NRXN1: variants seen among roughly 807,000 people sequenced by gnomAD.
NRXN1 encodes neurexin 1.
In NRXN1, 39 loss-of-function variants were observed where a neutral mutation model predicts 150.9. The ratio of observed to expected loss-of-function variants is 0.26; its 90% CI spans 0.20 to 0.34. NRXN1 has a LOEUF of 0.34. Ranked by LOEUF, NRXN1 falls within the 10% of genes least tolerant of loss-of-function variation. NRXN1 has a pLI of 1.00. For synonymous variants in NRXN1, 924 were observed against 757.0 expected (o/e 1.22, Z -3.62); for missense variants, 1,815 against 1,949.9 (o/e 0.93, Z 1.30).
chr2:50,065,093 G>A (rs1695165254), intron 19 of NRXN1, among the ~76,000 whole-genome samples: 1 of 152,022 alleles, frequency 6.6e-6, no homozygotes, highest in African/African-American at 2.4e-5. Flanking sequence ...GTGGTCTGTA[G>A]GTAAAGAAAC....
At chr2:50,395,981 T>C (rs1572817280) in intron 17 of NRXN1, among the ~76,000 whole-genome samples, 1 of 152,298 alleles carries the variant, frequency 6.6e-6, no homozygotes, top group East Asian at 1.9e-4. Flanking sequence ...TTGAAGGCCA[T>C]TTACCTATGT....
chr2:50,283,611 A>G (rs2071743869), intron 17 of NRXN1, among the ~76,000 whole-genome samples: 2 of 152,182 alleles, frequency 1.3e-5, no homozygotes, highest in Non-Finnish European at 2.9e-5. Context: ...ACTACTCCTC[A>G]AATAGAACGA....
intron 17 of NRXN1, among the ~76,000 whole-genome samples, chr2:50,313,449 C>A (rs2075340602): frequency 6.6e-6 from 1 of 152,116 alleles, no homozygotes; most frequent in Non-Finnish European, 1.5e-5. Flanking sequence ...AAGCCAAATG[C>A]ACTTCAAGCA....
At chr2:50,669,168 G>A (rs1688482126) in intron 5 of NRXN1, among the ~76,000 whole-genome samples, 1 of 151,974 alleles carries the variant, frequency 6.6e-6, no homozygotes, top group African/African-American at 2.4e-5. Flanking sequence ...TAAGCTCTGA[G>A]CATGTAGAAG....
intron 17 of NRXN1, among the ~76,000 whole-genome samples, chr2:50,244,244 A>G (rs978714396): frequency 1.3e-5 from 2 of 151,906 alleles, no homozygotes; most frequent in African/African-American, 4.8e-5. Context: ...TGAAATAATT[A>G]TTTAAAATGT....
intron 12 of NRXN1, among the ~76,000 whole-genome samples, chr2:50,520,710 T>C (rs2092763351): frequency 6.6e-6 from 1 of 151,972 alleles, no homozygotes; most frequent in South Asian, 2.1e-4. Flanking sequence ...CAGTATAAAA[T>C]TTCTCAGTTG....
At chr2:50,865,918 A>C (rs1303407972) in intron 5 of NRXN1, among the ~76,000 whole-genome samples, 1 of 151,438 alleles carries the variant, frequency 6.6e-6, no homozygotes, top group Non-Finnish European at 1.5e-5. Context: ...TAGAGGATTA[A>C]ATAAAGTCTC....
intron 5 of NRXN1, among the ~76,000 whole-genome samples, chr2:50,715,246 T>C (rs768600863): frequency 2.6e-5 from 4 of 152,298 alleles, no homozygotes; most frequent in Admixed American, 6.5e-5. Flanking sequence ...TCATGATTAA[T>C]AGTCATCATC....
chr2:50,400,315 GGAT>G, intron 17 of NRXN1, among the ~76,000 whole-genome samples: 1 of 151,768 alleles, frequency 6.6e-6, no homozygotes, highest in East Asian at 1.9e-4. Context: ...ACAAAATCAA[GGAT>G]GATAATTGTT....
intron 5 of NRXN1, among the ~76,000 whole-genome samples, chr2:50,690,443 T>C (rs1384383376): frequency 2.0e-5 from 3 of 152,132 alleles, no homozygotes. Flanking sequence ...GGCAACAAAA[T>C]GTCGAATTCT....
chr2:49,923,719 C>CGT lies in NRXN1; in HGVS notation c.4217-1470_4217-1469dup, dbSNP rs374281286. Among the ~76,000 whole-genome samples the CGT allele has an allele frequency of 2.0e-3, 302 of 151,600 alleles. 6 individuals carry two copies. In the East Asian group the frequency reaches 0.025, roughly 12 times the overall value. On this transcript the variant is annotated intron_variant, in intron 22 of 22. Transcript: ENST00000401669. Reference sequence around the variant, plus strand: ...ATCACCAATATTTCTTTTGCCTAAACGTGTGTGTGTGTGTGTTTTTCTGTG... The same window carrying CGT: ...ATCACCAATATTTCTTTTGCCTAAACGTGTGTGTGTGTGTGTGTTTTTCTGTG...
chr2:50,886,432 A>G (rs1166689335), intron 5 of NRXN1, among the ~76,000 whole-genome samples: 3 of 151,418 alleles, frequency 2.0e-5, no homozygotes, highest in Admixed American at 1.3e-4. Context: ...TGTGGTTTCT[A>G]TTCAAATTAA....
chr2:50,413,635 A>C (rs2083340363), intron 17 of NRXN1, among the ~76,000 whole-genome samples: 1 of 152,116 alleles, frequency 6.6e-6, no homozygotes, highest in South Asian at 2.1e-4. Flanking sequence ...GTTCCTCAAA[A>C]ACTAAAGATT....
chr2:50,580,047 ATTC>A (rs1452538363), intron 8 of NRXN1, among the ~76,000 whole-genome samples: 3 of 152,170 alleles, frequency 2.0e-5, no homozygotes, highest in African/African-American at 7.2e-5. Flanking sequence ...AACAGGTCTT[ATTC>A]TTCTTTATAT....
intron 18 of NRXN1, among the ~76,000 whole-genome samples, chr2:50,102,151 A>C (rs1317439230): frequency 6.6e-6 from 1 of 152,038 alleles, no homozygotes; most frequent in Non-Finnish European, 1.5e-5. Context: ...TGATTGTGGC[A>C]CAACAGAGGA....
chr2:50,956,801 G>A (rs1231425153), intron 2 of NRXN1, among the ~76,000 whole-genome samples: 3 of 152,000 alleles, frequency 2.0e-5, no homozygotes, highest in South Asian at 4.2e-4. Flanking sequence ...TCATTATTTC[G>A]TTTACTGGCC....
chr2:50,614,748 A>AC (rs1559022274), intron 8 of NRXN1, among the ~76,000 whole-genome samples: 8 of 148,928 alleles, frequency 5.4e-5, no homozygotes, highest in Non-Finnish European at 1.2e-4. Flanking sequence ...AAAAAAAAAA[A>AC]AAAAAAACTT....
intron 2 of NRXN1, among the ~76,000 whole-genome samples, chr2:50,970,572 T>C (rs1266073029): frequency 6.6e-6 from 1 of 152,010 alleles, no homozygotes; most frequent in Admixed American, 6.6e-5. Context: ...AACCAAACAC[T>C]CAAAGGACCT....
At chr2:50,366,900 A>T (rs1398917931) in intron 17 of NRXN1, among the ~76,000 whole-genome samples, 2 of 152,008 alleles carry the variant, frequency 1.3e-5, no homozygotes, top group African/African-American at 4.8e-5. Flanking sequence ...TTCAATTTGA[A>T]AACTAAATTA....
Sources: allele counts gnomAD v4.1 joint callset (sites outside exome capture counted in the v4.1 genomes callset), GRCh38; gene constraint gnomAD v4.1.1; transcripts MANE v1.5; gene names NCBI Gene and HGNC (gene_info 2026-07-23, HGNC 2026-07-21).